Variants in BMS1 observed in about 807,000 individuals in gnomAD.
BMS1 encodes the protein BMS1 ribosome biogenesis factor.
In BMS1, 53 loss-of-function variants were observed where a neutral mutation model predicts 138.7. The ratio of observed to expected loss-of-function variants is 0.38; its 90% CI spans 0.31 to 0.48. The LOEUF (loss-of-function observed/expected upper bound fraction) is 0.48, where lower values mean the gene tolerates loss of function less well. Among genes scored for constraint, BMS1 ranks in the 20% least tolerant of loss-of-function variants. The probability of loss-of-function intolerance (pLI) is 0.97; values close to 1 mark genes in which losing one functional copy is unlikely to be tolerated. For missense variants in BMS1, 1,360 were observed against 1,565.5 expected (o/e 0.87, Z 2.22); for synonymous variants, 504 against 539.9 (o/e 0.93, Z 0.92).
intron 13 of BMS1, among the ~76,000 whole-genome samples, chr10:42,809,067 G>C (rs1842093072): frequency 6.6e-6 from 1 of 152,172 alleles, no homozygotes; most frequent in South Asian, 2.1e-4. Flanking sequence ...GGTAGGGATT[G>C]CATTAAACCT....
At chr10:42,806,871 A>G (rs951158288) in intron 13 of BMS1, among the ~76,000 whole-genome samples, 1 of 125,408 alleles carries the variant, frequency 8.0e-6, no homozygotes, top group African/African-American at 3.1e-5. Flanking sequence ...AATACAGAGA[A>G]AAAAAAAGAA....
intron 13 of BMS1, among the ~76,000 whole-genome samples, chr10:42,805,808 T>C (rs1042807919): frequency 2.0e-5 from 3 of 152,164 alleles, no homozygotes; most frequent in African/African-American, 7.2e-5. Flanking sequence ...TACTTGTTAG[T>C]TCTGTTTTTG....
intron 13 of BMS1, among the ~76,000 whole-genome samples, chr10:42,807,548 G>A (rs139525796): frequency 2.6e-5 from 4 of 152,272 alleles, no homozygotes; most frequent in Admixed American, 2.6e-4. Context: ...TTGGCTCACT[G>A]CAGCCTCGAC....
Position 42,784,570 on chromosome 10 carries a change from G to C in BMS1, c.176G>C (p.Arg59Thr), listed in dbSNP as rs372445391. The change falls in exon 2 of 23, where the codon AGG becomes ACG. Residue 59 changes from arginine (R) to threonine (T), a missense_variant and splice_region_variant. Arg to Thr is a moderately conservative substitution (Grantham distance 71). Transcript: ENST00000374518. ...SAVRMARSFH[R>T]TQDLKTKKHH... ...GTGCGGATGGCTCGATCCTTTCACA[G>C]GTATGTTAGGCTACGGTCTGGTCAT... 3 of 1,607,220 alleles carry C rather than the reference G, an allele frequency of 1.9e-6. No homozygotes were observed. Among genetic ancestry groups the C allele is most frequent in the Non-Finnish European group, 2.5e-6 (3 of 1,177,684 alleles).
At chr10:42,794,803 T>C (rs1280921416) in intron 9 of BMS1, among the ~76,000 whole-genome samples, 6 of 151,918 alleles carry the variant, frequency 3.9e-5, no homozygotes, top group Admixed American at 2.6e-4. Flanking sequence ...AGGGTACATG[T>C]GCACAATGTG....
chr10:42,813,336 T>A (rs1050865872), intron 13 of BMS1, among the ~76,000 whole-genome samples: 1 of 152,204 alleles, frequency 6.6e-6, no homozygotes, highest in Non-Finnish European at 1.5e-5. Flanking sequence ...TATTATTTGC[T>A]TTTTTGTTTC....
At position 42,790,507 on chromosome 10, in the gene BMS1, A is replaced by G. The variant is rs147920722; in HGVS notation, c.632A>G (p.Tyr211Cys). 1 of 1,613,706 alleles carries G rather than the reference A, an allele frequency of 6.2e-7. No homozygotes were observed. Among genetic ancestry groups the G allele is most frequent in the Non-Finnish European group, 8.5e-7 (1 of 1,179,666 alleles). The change falls in exon 5 of 23, where the codon TAC (tyrosine) becomes TGC (cysteine). Residue 211 changes from tyrosine (Y) to cysteine (C), a missense_variant. By Grantham distance (194) the Tyr-to-Cys change is radical (BLOSUM62 -2). Around this residue, in one of 3 missense-constraint regions of BMS1, gnomAD observed 238 missense variants for 311.1 expected, o/e 0.77. Transcript: ENST00000374518. ...AAACACAGGTTCTGGACGGAAGTTT[A>G]CCCGGTACGAAGAGAAATAATTGTT... ...RLKHRFWTEV[Y>C]PGAKLFYLSG...
chr10:42,823,817 G>A (rs752646196), intron 21 of BMS1, 33 bp downstream of exon 21: 14 of 1,460,714 alleles, frequency 9.6e-6, no homozygotes, highest in African/African-American at 5.7e-5. Context: ...TGGAGATGAA[G>A]CCTGTGCTCT....
At chr10:42,816,371 G>A (rs988141867) in intron 13 of BMS1, among the ~76,000 whole-genome samples, 4 of 152,198 alleles carry the variant, frequency 2.6e-5, no homozygotes, top group Non-Finnish European at 5.9e-5. Context: ...ATTTTGATGT[G>A]AAGTGCGGAA....
At position 42,833,375 on chromosome 10, in the gene BMS1, G is replaced by C. The variant is rs185790096; in HGVS notation, c.*2279G>C. The C allele has an allele frequency of 2.0e-4, 30 of 152,336 alleles. No individual in the cohort carries two copies. The highest frequency in any genetic ancestry group is 6.5e-4 in the African/African-American group (27 of 41,582). The allele number at this position is 152,336 out of a possible 1,614,324, so 9.4% of individuals were successfully genotyped here. A position where few individuals can be genotyped will look rare whatever the true frequency, so the allele number is the denominator to read the frequency against. ...GTTAGTAAAATACAGTCACACATCA[G>C]TTAAGGATGGGGATATATTCTGAGA... On this transcript the variant is annotated 3_prime_UTR_variant, in exon 23 of 23. Coordinates refer to ENST00000374518, the MANE Select transcript of BMS1 (RefSeq NM_014753.4).
chr10:42,790,037 G>C (rs1281028649), intron 4 of BMS1, among the ~76,000 whole-genome samples: 1 of 152,178 alleles, frequency 6.6e-6, no homozygotes, highest in East Asian at 1.9e-4. Context: ...GGTGATGCCT[G>C]TGTAGTCATT....
chr10:42,801,834 A>G (rs1185164761), intron 12 of BMS1, among the ~76,000 whole-genome samples: 2 of 152,228 alleles, frequency 1.3e-5, no homozygotes, highest in Non-Finnish European at 2.9e-5. Flanking sequence ...GTCTCATTGC[A>G]TTGCCTTAGA....
Position 42,791,477 on chromosome 10 carries a change from G to A in BMS1, c.637-150G>A, listed in dbSNP as rs1841503287. The A allele has an allele frequency of 1.1e-5, 9 of 787,494 alleles. 1 individual carries two copies. The highest frequency in any genetic ancestry group is 1.3e-5 in the Non-Finnish European group (7 of 522,638). The allele number at this position is 787,494 out of a possible 1,614,324, so 48.8% of individuals were successfully genotyped here. On this transcript the variant is annotated intron_variant, in intron 5 of 22. Coordinates refer to ENST00000374518, the MANE Select transcript of BMS1 (RefSeq NM_014753.4). ...TGTGGGGTTCTAATAAATCCTGAAA[G>A]AAGCCAGCAAGGCTCTGGAAGCCTC...
rs1841299327 is a variant in BMS1, at chr10:42,785,498, A to G, written c.193A>G (p.Thr65Ala). The change falls in exon 3 of 23, where the codon ACA becomes GCA. Residue 65 changes from threonine to alanine, a missense_variant. Thr to Ala is a moderately conservative substitution (Grantham distance 58). Around this residue, in one of 3 missense-constraint regions of BMS1, gnomAD observed 238 missense variants for 311.1 expected, o/e 0.77. Transcript: ENST00000374518. ...AATGAATAGGACTCAGGATTTGAAG[A>G]CAAAAAAGCATCATATTCCAGTGGT... The part of the protein sequence containing the change: ...RSFHRTQDLK[T>A]KKHHIPVVDR... 6.2e-7 allele frequency: 1 copy of G among 1,607,582 alleles called. No homozygotes were observed. The highest frequency in any genetic ancestry group is 1.3e-5 in the African/African-American group (1 of 74,600).
intron 4 of BMS1, among the ~76,000 whole-genome samples, chr10:42,787,590 TC>T (rs1841375873): frequency 6.6e-6 from 1 of 152,200 alleles, no homozygotes; most frequent in African/African-American, 2.4e-5. Flanking sequence ...CTTGGACTCT[TC>T]CTGGCACTGT....
intron 21 of BMS1, among the ~76,000 whole-genome samples, chr10:42,826,956 T>C (rs1290879532): frequency 6.6e-6 from 1 of 152,200 alleles, no homozygotes; most frequent in African/African-American, 2.4e-5. Context: ...CATGCTGTGA[T>C]GTGGACATCG....
rs187035071 is a variant in BMS1, at chr10:42,820,735, A to G, written c.2950+47A>G. The stretch of plus-strand genomic sequence containing the variant: ...TTGCCTGTTGCCAAGATTAAACCTT[A>G]CAGGCTGCGTTATTATAGCTTTGTG... On this transcript the variant is annotated intron_variant, in intron 17 of 22. Coordinates refer to ENST00000374518, the MANE Select transcript of BMS1 (RefSeq NM_014753.4). 3.3e-4 allele frequency: 520 copies of G among 1,582,162 alleles called. No homozygotes were observed. In the African/African-American group the frequency reaches 6.3e-3, roughly 19 times the overall value.
At chr10:42,820,789 G>A in intron 17 of BMS1, 101 bp downstream of exon 17, 1 of 1,456,222 alleles carries the variant, frequency 6.9e-7, no homozygotes, top group Non-Finnish European at 9.4e-7. Flanking sequence ...CCACTCCTAA[G>A]ATTTTTCTCT....
chr10:42,785,834 G>GT (rs1428220778), intron 3 of BMS1, among the ~76,000 whole-genome samples, 162 bp downstream of exon 3: 5 of 152,146 alleles, frequency 3.3e-5, no homozygotes, highest in Non-Finnish European at 7.3e-5. Flanking sequence ...TCAGAAAAGG[G>GT]TAAGTTCCCA....
Sources: gnomAD v4.1 joint callset for allele counts (sites outside exome capture counted in the v4.1 genomes callset) on GRCh38, gnomAD v4.1.1 for gene constraint, gnomAD v4.1.1 regional missense constraint, MANE v1.5 for transcripts, NCBI Gene and HGNC (gene_info 2026-07-23, HGNC 2026-07-21) for gene names.